PDS5B: variants seen among roughly 807,000 people sequenced by gnomAD.
The protein encoded by PDS5B is PDS5 cohesin associated factor B.
In PDS5B, 51 loss-of-function variants were observed where a neutral mutation model predicts 184.1. That is an observed-to-expected ratio of 0.28 (90% CI 0.22 to 0.35). The LOEUF (loss-of-function observed/expected upper bound fraction) is 0.35. PDS5B is among the 10% of genes least tolerant of loss of function. The probability of loss-of-function intolerance (pLI) is 1.00; values close to 1 mark genes in which losing one functional copy is unlikely to be tolerated. For synonymous variants in PDS5B, 566 were observed against 569.2 expected, an observed-to-expected ratio of 0.99 and a Z score of 0.08; for missense variants, 1,180 against 1,723.3, an observed-to-expected ratio of 0.68 and a Z score of 5.58.
At chr13:32,760,837 A>C (rs1478075625) in intron 30 of PDS5B, 117 bp downstream of exon 30, 2 of 977,928 alleles carry the variant, frequency 2.0e-6, no homozygotes, top group Non-Finnish European at 3.0e-6. Flanking sequence ...TGTATTACTT[A>C]ATTTTTCCAT....
At position 32,635,170 on chromosome 13, in the gene PDS5B, G is replaced by GTTTTT. The variant is rs71071054; in HGVS notation, c.-19-13543_-19-13539dup. 2.1e-4 allele frequency among the ~76,000 whole-genome samples: 17 copies of GTTTTT among 81,112 alleles called. 2 individuals carry two copies. Among genetic ancestry groups the GTTTTT allele is most frequent in the East Asian group, 1.5e-3 (4 of 2,714 alleles). 53.2% of individuals were successfully genotyped at this position (81,112 alleles called of 152,430 possible). ...TGCACCACCATGTCCAGCCAATTAC[G>GTTTTT]TTTTTTTTTTTTTTTTTTTTTTTTT... On this transcript the variant is annotated intron_variant, in intron 1 of 34. Transcript: ENST00000315596.
intron 19 of PDS5B, among the ~76,000 whole-genome samples, chr13:32,722,065 A>G (rs530081454): frequency 3.9e-5 from 6 of 152,352 alleles, no homozygotes; most frequent in African/African-American, 1.2e-4. Context: ...AGCCTGGGCA[A>G]CATTGAGCAC....
chr13:32,641,128 C>A (rs1442744141), intron 1 of PDS5B, among the ~76,000 whole-genome samples: 1 of 151,500 alleles, frequency 6.6e-6, no homozygotes, highest in East Asian at 1.9e-4. Context: ...TGATATAGGC[C>A]AGTTTTATAT....
intron 1 of PDS5B, among the ~76,000 whole-genome samples, chr13:32,633,853 C>T (rs1295143992): frequency 1.3e-5 from 2 of 152,086 alleles, no homozygotes; most frequent in Admixed American, 6.5e-5. Context: ...CTCATTTGTC[C>T]TGTATACAGT....
chr13:32,717,720 T>TAAAAAAAAAAAAAAAA (rs1220035606), intron 19 of PDS5B, among the ~76,000 whole-genome samples: 1 of 126,692 alleles, frequency 7.9e-6, no homozygotes. Flanking sequence ...ATCAATAAAT[T>TAAAAAAAAAAAAAAAA]AAAAAAAAAA....
chr13:32,685,713 A>G (rs1354117244), intron 11 of PDS5B, among the ~76,000 whole-genome samples: 1 of 152,116 alleles, frequency 6.6e-6, no homozygotes, highest in Non-Finnish European at 1.5e-5. Flanking sequence ...TGGTGCCATC[A>G]CGGCTCATTG....
chr13:32,639,375 T>A (rs1170161544), intron 1 of PDS5B, among the ~76,000 whole-genome samples: 4 of 152,208 alleles, frequency 2.6e-5, no homozygotes, highest in Non-Finnish European at 5.9e-5. Context: ...AAGAACTTCC[T>A]AAAGTATTCA....
At chr13:32,654,730 G>T (rs913094090) in intron 3 of PDS5B, among the ~76,000 whole-genome samples, 1 of 152,060 alleles carries the variant, frequency 6.6e-6, no homozygotes, top group Non-Finnish European at 1.5e-5. Flanking sequence ...TCTCTTCTTT[G>T]TGTTCATATG....
chr13:32,623,741 C>T (rs967110163), intron 1 of PDS5B, among the ~76,000 whole-genome samples: 3 of 150,942 alleles, frequency 2.0e-5, no homozygotes, highest in Admixed American at 2.0e-4. Context: ...AGTTTAGTTA[C>T]TTTCATTTTT....
chr13:32,771,551 A>G (rs1284351588), intron 33 of PDS5B, among the ~76,000 whole-genome samples: 1 of 152,182 alleles, frequency 6.6e-6, no homozygotes, highest in South Asian at 2.1e-4. Context: ...CAGAGTTGCC[A>G]ATGTACTGTC....
intron 8 of PDS5B, among the ~76,000 whole-genome samples, chr13:32,673,956 C>A (rs1465330717): frequency 0.044 from 3 of 68 alleles, no homozygotes; most frequent in East Asian, 0.3. Flanking sequence ...GCTGGGACTA[C>A]AGGCTGTGCC....
chr13:32,761,948 CT>C (rs1279217014), intron 30 of PDS5B, among the ~76,000 whole-genome samples: 4 of 152,206 alleles, frequency 2.6e-5, no homozygotes, highest in Non-Finnish European at 5.9e-5. Context: ...TCTGTTTTCT[CT>C]GCAGCCTCAC....
intron 24 of PDS5B, among the ~76,000 whole-genome samples, chr13:32,752,664 T>A (rs892333453): frequency 2.0e-5 from 3 of 152,240 alleles, no homozygotes; most frequent in African/African-American, 7.2e-5. Flanking sequence ...TCTTTAAGGA[T>A]AAGTAGGAGT....
At chr13:32,655,374 A>ATTTTTTTTT (rs1228814649) in intron 3 of PDS5B, among the ~76,000 whole-genome samples, 5 of 72,468 alleles carry the variant, frequency 6.9e-5, no homozygotes, top group African/African-American at 3.3e-4. Flanking sequence ...ATATATATAT[A>ATTTTTTTTT]TTTTTTTTTT....
intron 3 of PDS5B, among the ~76,000 whole-genome samples, chr13:32,655,303 T>C (rs1030685983): frequency 2.2e-4 from 33 of 147,384 alleles, no homozygotes; most frequent in Non-Finnish European, 4.5e-4. Flanking sequence ...TTTTTTCATA[T>C]GCATGTTGGC....
intron 19 of PDS5B, among the ~76,000 whole-genome samples, chr13:32,722,116 A>T (rs1184245645): frequency 3.3e-5 from 5 of 152,234 alleles, no homozygotes; most frequent in African/African-American, 1.2e-4. Context: ...GCACCTTGGG[A>T]GGCCGAGGCG....
At chr13:32,626,184 C>G (rs536842528) in intron 1 of PDS5B, among the ~76,000 whole-genome samples, 31 of 152,268 alleles carry the variant, frequency 2.0e-4, no homozygotes, top group Admixed American at 1.4e-3. Flanking sequence ...CTGAGCTGCT[C>G]TAATTGAAGG....
chr13:32,606,074 G>A (rs368221105), intron 1 of PDS5B, among the ~76,000 whole-genome samples: 13 of 152,204 alleles, frequency 8.5e-5, no homozygotes, highest in East Asian at 7.7e-4. Context: ...TACATTTGAG[G>A]TTAATATTGT....
At chr13:32,613,824 A>G (rs1038343351) in intron 1 of PDS5B, among the ~76,000 whole-genome samples, 3 of 152,168 alleles carry the variant, frequency 2.0e-5, no homozygotes, top group Non-Finnish European at 2.9e-5. Flanking sequence ...TAGGGTTGTA[A>G]GGATTTAAAT....
Sources: gnomAD v4.1 joint callset for allele counts (sites outside exome capture counted in the v4.1 genomes callset) on GRCh38, gnomAD v4.1.1 for gene constraint, MANE v1.5 for transcripts, NCBI Gene and HGNC (gene_info 2026-07-23, HGNC 2026-07-21) for gene names.